Variants in DPP10 observed in about 807,000 individuals in gnomAD.
The protein encoded by DPP10 is dipeptidyl peptidase like 10, also known as inactive dipeptidyl peptidase 10.
DPP10 carries 33 observed loss-of-function variants against 120.9 expected under a neutral mutation model. That is an observed-to-expected ratio of 0.27 (90% confidence interval 0.21 to 0.37). DPP10 has a LOEUF of 0.37. Among genes scored for constraint, DPP10 ranks in the 10% least tolerant of loss-of-function variants. The pLI is 1.00. For synonymous variants in DPP10, 337 were observed against 326.1 expected (o/e 1.03, Z -0.36); for missense variants, 816 against 942.8 (o/e 0.87, Z 1.76).
At chr2:115,634,334 G>T (rs6725230) in intron 5 of DPP10, among the ~76,000 whole-genome samples, 127,668 of 152,142 alleles carry the variant, frequency 0.84, 54,936 homozygotes, top group East Asian at 0.97. Context: ...CTCATCTTCA[G>T]GAGTTTATCC....
intron 1 of DPP10, among the ~76,000 whole-genome samples, chr2:115,210,061 T>A (rs2105345547): frequency 6.6e-6 from 1 of 152,286 alleles, no homozygotes; most frequent in South Asian, 2.1e-4. Context: ...AGGGTACATG[T>A]ACACAACGTA....
chr2:115,305,242 C>T (rs1162078924), intron 1 of DPP10, among the ~76,000 whole-genome samples: 1 of 152,034 alleles, frequency 6.6e-6, no homozygotes, highest in Non-Finnish European at 1.5e-5. Context: ...TGTTCCTTGT[C>T]TAAGGCTGCT....
At chr2:114,821,857 C>T (rs956375823) in intron 1 of DPP10, among the ~76,000 whole-genome samples, 3 of 152,198 alleles carry the variant, frequency 2.0e-5, no homozygotes, top group African/African-American at 7.2e-5. Flanking sequence ...AAGAAGTTGG[C>T]TCCCACAGCC....
chr2:115,235,875 C>T (rs756243109), intron 1 of DPP10, among the ~76,000 whole-genome samples: 1 of 152,140 alleles, frequency 6.6e-6, no homozygotes, highest in Non-Finnish European at 1.5e-5. Context: ...ACGTTTCTTA[C>T]AGCTATTGCC....
At chr2:115,639,772 G>T (rs2086633340) in intron 5 of DPP10, among the ~76,000 whole-genome samples, 1 of 152,104 alleles carries the variant, frequency 6.6e-6, no homozygotes, top group African/African-American at 2.4e-5. Context: ...TCAGGAATCT[G>T]CATTTTAAAT....
intron 3 of DPP10, among the ~76,000 whole-genome samples, chr2:115,489,596 A>C (rs2075989228): frequency 6.6e-6 from 1 of 151,864 alleles, no homozygotes; most frequent in South Asian, 2.1e-4. Context: ...AAACCAAAAA[A>C]TTTTGTAAAA....
chr2:114,865,900 G>A (rs1463605171), intron 1 of DPP10, among the ~76,000 whole-genome samples: 2 of 152,020 alleles, frequency 1.3e-5, no homozygotes, highest in Non-Finnish European at 2.9e-5. Context: ...ATCACCTGAG[G>A]TAGGGAGTTC....
intron 2 of DPP10, among the ~76,000 whole-genome samples, chr2:115,342,573 T>A (rs1277164524): frequency 2.2e-4 from 34 of 152,154 alleles, no homozygotes; most frequent in Admixed American, 2.2e-3. Flanking sequence ...GACAGAGATA[T>A]GTCTCCTATC....
Position 115,321,635 on chromosome 2 carries a change from TCTC to T in DPP10, c.175+12286_175+12288del, listed in dbSNP as rs572540540. The stretch of plus-strand genomic sequence containing the variant: ...ATACTCTTTCTGCCCTTTTCCTCTC[TCTC>T]CTCTTGTGATTTCCATTATTTTATG... On this transcript the variant is annotated intron_variant, in intron 2 of 25. Transcript: ENST00000410059. 2.2e-3 allele frequency among the ~76,000 whole-genome samples: 338 copies of T among 151,994 alleles called. 1 individual carries two copies. Among genetic ancestry groups the T allele is most frequent in the African/African-American group, 7.4e-3 (308 of 41,498 alleles).
chr2:115,168,934 CTG>C (rs1306897053), intron 1 of DPP10, among the ~76,000 whole-genome samples: 1 of 152,094 alleles, frequency 6.6e-6, no homozygotes, highest in East Asian at 1.9e-4. Flanking sequence ...TTGTTCTGTT[CTG>C]TAATTGATGT....
At chr2:114,743,043 T>C (rs1678218711) in intron 1 of DPP10, among the ~76,000 whole-genome samples, 1 of 152,218 alleles carries the variant, frequency 6.6e-6, no homozygotes, top group Non-Finnish European at 1.5e-5. Flanking sequence ...TAATTCCAAA[T>C]CCATCACTAT....
intron 1 of DPP10, among the ~76,000 whole-genome samples, chr2:115,009,637 G>A (rs1702118413): frequency 1.3e-5 from 2 of 151,048 alleles, no homozygotes; most frequent in Non-Finnish European, 2.9e-5. Flanking sequence ...TATCCCTTGG[G>A]CTAGGGGAGG....
At chr2:115,567,556 C>T (rs991343554) in intron 5 of DPP10, among the ~76,000 whole-genome samples, 3 of 148,054 alleles carry the variant, frequency 2.0e-5, no homozygotes, top group Non-Finnish European at 4.4e-5. Flanking sequence ...TTTACAACTG[C>T]GTAGGACTAC....
intron 1 of DPP10, among the ~76,000 whole-genome samples, chr2:114,568,733 G>A (rs887193145): frequency 6.6e-6 from 1 of 152,186 alleles, no homozygotes; most frequent in Non-Finnish European, 1.5e-5. Context: ...ACATCCTTGG[G>A]AATGAGTTAA....
intron 4 of DPP10, among the ~76,000 whole-genome samples, chr2:115,500,976 T>C (rs2076652116): frequency 6.6e-6 from 1 of 152,012 alleles, no homozygotes; most frequent in African/African-American, 2.4e-5. Flanking sequence ...GGAGACAGAA[T>C]TCCAGAATTG....
chr2:114,523,014 C>G (rs1232334643), intron 1 of DPP10, among the ~76,000 whole-genome samples: 1 of 152,146 alleles, frequency 6.6e-6, no homozygotes, highest in East Asian at 1.9e-4. Flanking sequence ...TGCAGCCAAA[C>G]CATATTGGGG....
intron 1 of DPP10, among the ~76,000 whole-genome samples, chr2:115,233,427 GT>G (rs1218005248): frequency 6.6e-6 from 1 of 152,132 alleles, no homozygotes; most frequent in African/African-American, 2.4e-5. Flanking sequence ...GCAGTCCCGT[GT>G]GTGATTATAA....
At chr2:115,195,495 G>T (rs2055193696) in intron 1 of DPP10, among the ~76,000 whole-genome samples, 1 of 152,112 alleles carries the variant, frequency 6.6e-6, no homozygotes, top group South Asian at 2.1e-4. Context: ...ATTCTCTTCT[G>T]CAGACATATT....
At chr2:115,689,794 T>C (rs1300728703) in intron 6 of DPP10, 46 bp from the exon 7 acceptor site, 4 of 1,610,426 alleles carry the variant, frequency 2.5e-6, no homozygotes, top group African/African-American at 1.3e-5. Context: ...AAATTGTTGG[T>C]GTAGATATCA....
Sources: gnomAD v4.1 joint callset for allele counts (sites outside exome capture counted in the v4.1 genomes callset) on GRCh38, gnomAD v4.1.1 for gene constraint, MANE v1.5 for transcripts, NCBI Gene and HGNC (gene_info 2026-07-23, HGNC 2026-07-21) for gene names.